Variants in TRAK1 observed in about 807,000 individuals in gnomAD.
The protein encoded by TRAK1 is trafficking kinesin protein 1.
TRAK1 carries 33 observed loss-of-function variants against 92.1 expected under a neutral mutation model. The ratio of observed to expected loss-of-function variants is 0.36; its 90% CI spans 0.27 to 0.48. The LOEUF is 0.48. TRAK1 is among the 20% of genes least tolerant of loss of function. The pLI, the probability that TRAK1 is intolerant of heterozygous loss-of-function variation, is 0.99. For missense variants in TRAK1, 1,123 were observed against 1,257.9 expected (o/e 0.89, Z 1.62); for synonymous variants, 521 against 517.3 (o/e 1.01, Z -0.10).
chr3:42,122,183 T>C (rs1424866091), intron 1 of TRAK1, among the ~76,000 whole-genome samples: 1 of 152,192 alleles, frequency 6.6e-6, no homozygotes, highest in East Asian at 1.9e-4. Flanking sequence ...ACTGGTCATA[T>C]GCTTTAAGGA....
At chr3:42,102,087 G>T (rs1376081228) in intron 1 of TRAK1, among the ~76,000 whole-genome samples, 1 of 152,228 alleles carries the variant, frequency 6.6e-6, no homozygotes, top group Non-Finnish European at 1.5e-5. Context: ...CCAGGTTCAA[G>T]CGATTCTCCT....
chr3:42,169,671 CAAAAAAA>C (rs10710580), intron 2 of TRAK1, among the ~76,000 whole-genome samples: 2 of 139,898 alleles, frequency 1.4e-5, no homozygotes, highest in South Asian at 2.3e-4. Context: ...AACTCCATCT[CAAAAAAA>C]AAAAAAAAAG....
chr3:42,154,365 G>A (rs1483003829), intron 2 of TRAK1, among the ~76,000 whole-genome samples: 1 of 152,108 alleles, frequency 6.6e-6, no homozygotes, highest in Non-Finnish European at 1.5e-5. Context: ...TAGAGATGGA[G>A]TTTCACCATG....
At chr3:42,196,185 T>C (rs1210425166) in intron 10 of TRAK1, among the ~76,000 whole-genome samples, 2 of 152,258 alleles carry the variant, frequency 1.3e-5, no homozygotes, top group South Asian at 4.1e-4. Context: ...TTTTTGAAGA[T>C]GGCTATTTTT....
intron 2 of TRAK1, among the ~76,000 whole-genome samples, chr3:42,166,347 T>C (rs939413962): frequency 6.6e-6 from 1 of 152,040 alleles, no homozygotes; most frequent in Non-Finnish European, 1.5e-5. Flanking sequence ...ATGGTGAGGG[T>C]GCCAGAGTGA....
At chr3:42,021,427 G>T (rs1390616888) in intron 1 of TRAK1, among the ~76,000 whole-genome samples, 1 of 152,144 alleles carries the variant, frequency 6.6e-6, no homozygotes, top group African/African-American at 2.4e-5. Context: ...CCTTCAGATT[G>T]AACAGTGTAG....
At chr3:42,209,014 A>AAG in intron 13 of TRAK1, among the ~76,000 whole-genome samples, 1 of 152,162 alleles carries the variant, frequency 6.6e-6, no homozygotes, top group South Asian at 2.1e-4. Context: ...GACACACTCC[A>AAG]GTGTTATTAC....
intron 2 of TRAK1, among the ~76,000 whole-genome samples, chr3:42,130,574 A>G (rs1210209984): frequency 6.6e-6 from 1 of 152,182 alleles, no homozygotes; most frequent in Non-Finnish European, 1.5e-5. Flanking sequence ...CTAAGGAGAT[A>G]AAAACATCTC....
intron 1 of TRAK1, among the ~76,000 whole-genome samples, chr3:42,034,494 T>G (rs1702257668): frequency 6.6e-6 from 1 of 152,148 alleles, no homozygotes; most frequent in African/African-American, 2.4e-5. Flanking sequence ...GGTTTCTCCA[T>G]GTTGTCCCGG....
At chr3:42,069,460 C>T (rs1429372618) in intron 1 of TRAK1, among the ~76,000 whole-genome samples, 1 of 151,980 alleles carries the variant, frequency 6.6e-6, no homozygotes, top group Non-Finnish European at 1.5e-5. Flanking sequence ...TAACTGAGGA[C>T]TGTTGGATGT....
intron 1 of TRAK1, among the ~76,000 whole-genome samples, chr3:42,119,989 T>G (rs1461045925): frequency 2.0e-5 from 3 of 152,134 alleles, no homozygotes; most frequent in Non-Finnish European, 2.9e-5. Context: ...TCATTTGAGG[T>G]CAGGAGTTCG....
At chr3:42,075,272 G>T (rs1704100804) in intron 1 of TRAK1, among the ~76,000 whole-genome samples, 1 of 150,872 alleles carries the variant, frequency 6.6e-6, no homozygotes, top group South Asian at 2.1e-4. Flanking sequence ...ACATGGGAAG[G>T]GGATGTTGCA....
intron 14 of TRAK1, among the ~76,000 whole-genome samples, chr3:42,214,454 A>G (rs1253465705): frequency 6.6e-6 from 1 of 152,216 alleles, no homozygotes; most frequent in East Asian, 1.9e-4. Flanking sequence ...TCTGAAGACT[A>G]CAAAGGGATT....
intron 2 of TRAK1, among the ~76,000 whole-genome samples, chr3:42,165,439 G>C (rs1293987377): frequency 2.6e-5 from 4 of 152,232 alleles, no homozygotes; most frequent in African/African-American, 9.6e-5. Context: ...TGGTTCCCAG[G>C]CGAAGCTGGA....
At chr3:42,133,347 C>G (rs543569835) in intron 2 of TRAK1, among the ~76,000 whole-genome samples, 1 of 152,188 alleles carries the variant, frequency 6.6e-6, no homozygotes, top group Non-Finnish European at 1.5e-5. Context: ...GCCGCTCCCT[C>G]GCTACCCCTC....
At chr3:42,069,755 A>G (rs985553564) in intron 1 of TRAK1, among the ~76,000 whole-genome samples, 2 of 152,064 alleles carry the variant, frequency 1.3e-5, no homozygotes, top group African/African-American at 4.8e-5. Context: ...ATTATTAGAC[A>G]TTTTCATTTT....
At chr3:42,099,797 T>C (rs1247509656) in intron 1 of TRAK1, among the ~76,000 whole-genome samples, 1 of 152,264 alleles carries the variant, frequency 6.6e-6, no homozygotes, top group African/African-American at 2.4e-5. Flanking sequence ...TGCCCAGTGC[T>C]ATTTTAACTG....
intron 2 of TRAK1, among the ~76,000 whole-genome samples, chr3:42,138,876 GGTGTGT>G (rs60025099): frequency 0.034 from 4,028 of 118,664 alleles, 68 homozygotes; most frequent in African/African-American, 0.05. Flanking sequence ...AAGCATAGGG[GGTGTGT>G]GTGTGTGTGT....
chr3:42,070,730 T>C (rs1291520264), intron 1 of TRAK1, among the ~76,000 whole-genome samples: 1 of 152,218 alleles, frequency 6.6e-6, no homozygotes, highest in Non-Finnish European at 1.5e-5. Flanking sequence ...TGCCCAGCAC[T>C]GAATTGTCTT....
Sources: allele counts gnomAD v4.1 joint callset (sites outside exome capture counted in the v4.1 genomes callset), GRCh38; gene constraint gnomAD v4.1.1; transcripts MANE v1.5; gene names NCBI Gene and HGNC (gene_info 2026-07-23, HGNC 2026-07-21).